The following LTBP4 variants were observed in gnomAD, a reference collection of about 807,000 sequenced individuals.
LTBP4 encodes latent transforming growth factor beta binding protein 4.
A neutral mutation model predicts 180.2 loss-of-function variants in LTBP4; 93 were observed. That is an observed-to-expected ratio of 0.52 (90% confidence interval 0.44 to 0.61). LTBP4 has a LOEUF of 0.61. Among genes scored for constraint, LTBP4 ranks in the 20% least tolerant of loss-of-function variants. The probability of loss-of-function intolerance (pLI) is 0.00; values close to 1 mark genes in which losing one functional copy is unlikely to be tolerated. For missense variants in LTBP4, 2,116 were observed against 2,256.5 expected, an observed-to-expected ratio of 0.94 and a Z score of 1.26; for synonymous variants, 947 against 934.5, an observed-to-expected ratio of 1.01 and a Z score of -0.24.
chr19:40,607,402 C>A lies in LTBP4; in HGVS notation c.1029C>A (p.Phe343Leu). ...HVISEAKGPC[F>L]RVLRDGGCSL... The stretch of plus-strand genomic sequence containing the variant: ...TCTCAGAGGCCAAAGGGCCCTGCTT[C>A]CGCGTGCTCCGCGACGGCGGCTGTT... The change falls in exon 7 of 30, where the codon TTC (phenylalanine) becomes TTA (leucine). Residue 343 changes from phenylalanine (F) to leucine (L), a missense_variant. Around this residue, in one of 5 missense-constraint regions of LTBP4, gnomAD observed 469 missense variants for 532.5 expected, o/e 0.88. Coordinates refer to ENST00000396819, the MANE Select transcript of LTBP4 (RefSeq NM_001042545.2). 1 of 1,613,034 alleles carries A rather than the reference C, an allele frequency of 6.2e-7. No individual in the cohort carries two copies. The highest frequency in any genetic ancestry group is 8.5e-7 in the Non-Finnish European group (1 of 1,179,596).
At position 40,622,375 on chromosome 19, in the gene LTBP4, T is replaced by A; in HGVS notation, c.3218-26T>A. Reference sequence around the variant, plus strand: ...GCGGGGCTGGGGATTCAGCCCACACTGGGCTAAAGCTCCTTGTCTCCCCAG... The same window carrying A: ...GCGGGGCTGGGGATTCAGCCCACACAGGGCTAAAGCTCCTTGTCTCCCCAG... On this transcript the variant is annotated intron_variant, in intron 22 of 29. Coordinates refer to ENST00000396819, the MANE Select transcript of LTBP4 (RefSeq NM_001042545.2). The surrounding 1 kb of genome is among the most constrained non-coding windows in gnomAD (Gnocchi z 5.1). The A allele has an allele frequency of 6.8e-7, 1 of 1,474,336 alleles. No individual in the cohort carries two copies. Among genetic ancestry groups the A allele is most frequent in the South Asian group, 1.4e-5 (1 of 72,596 alleles). The allele number at this position is 1,474,336 out of a possible 1,614,324, so 91.3% of individuals were successfully genotyped here. A position where few individuals can be genotyped will look rare whatever the true frequency, so the allele number is the denominator to read the frequency against.
At position 40,613,693 on chromosome 19, in the gene LTBP4, G is replaced by C. The variant is rs997475802; in HGVS notation, c.2557+164G>C. 7.9e-6 allele frequency: 10 copies of C among 1,273,846 alleles called. No individual in the cohort carries two copies. In the Middle Eastern group the frequency reaches 7.4e-4, roughly 94 times the overall value. The allele number at this position is 1,273,846 out of a possible 1,614,324, so 78.9% of individuals were successfully genotyped here. A position where few individuals can be genotyped will look rare whatever the true frequency, so the allele number is the denominator to read the frequency against. On this transcript the variant is annotated intron_variant, in intron 17 of 29. Transcript: ENST00000396819. This position sits in a 1 kb window ranked among gnomAD's most constrained non-coding sequence, Gnocchi z 5.0. ...AGTCTCGAGGCAGTGAGGGGGGGCG[G>C]GGCGTGGAGATGAAAGGGCCGAGTC...
upstream of LTBP4, chr19:40,599,480 A>C: frequency 6.2e-7 from 1 of 1,613,798 alleles, no homozygotes; most frequent in Non-Finnish European, 8.5e-7. Flanking sequence ...GCGGTGCCTG[A>C]ACCCAGTGCC....
At chr19:40,607,757 G>A (rs769394886) in intron 7 of LTBP4, among the ~76,000 whole-genome samples, 1 of 152,186 alleles carries the variant, frequency 6.6e-6, no homozygotes, top group Admixed American at 6.5e-5. Context: ...CTACCCCGGA[G>A]CTCCCAAGTT....
At chr19:40,595,837 C>A (rs2081386803) in intron 1 of LTBP4, among the ~76,000 whole-genome samples, 1 of 151,524 alleles carries the variant, frequency 6.6e-6, no homozygotes, top group African/African-American at 2.4e-5. Flanking sequence ...CTCAAGTGAT[C>A]CTCCTACCTC....
chr19:40,627,982 CG>C, intron 29 of LTBP4, 125 bp downstream of exon 29: 1 of 1,295,496 alleles, frequency 7.7e-7, no homozygotes, highest in Non-Finnish European at 1.0e-6. Context: ...GACGGGCCAG[CG>C]CAAAAGGGAG....
At chr19:40,625,280 A>ATT (rs2081619763) in intron 26 of LTBP4, among the ~76,000 whole-genome samples, 1 of 5,242 alleles carries the variant, frequency 1.9e-4, no homozygotes, top group African/African-American at 2.3e-3. Context: ...ATATATATAT[A>ATT]TATATATATA....
In LTBP4 at chr19:40,627,849, C is replaced by A; in HGVS notation, c.4511C>A (p.Ala1504Asp). The A allele has an allele frequency of 6.4e-7, 1 of 1,565,352 alleles. No homozygotes were observed. Among genetic ancestry groups the A allele is most frequent in the East Asian group, 2.3e-5 (1 of 42,788 alleles). ...TACCGCCTGGACATGACCCGCATGG[C>A]CTGCGTTGGTGAGGGCGGGCCCGGG... ...DGYRLDMTRM[A>D]CVDINECDEA... is the part of the protein sequence containing the mutation. The change falls in exon 29 of 30, where the codon GCC (alanine) becomes GAC (aspartate). Residue 1504 changes from alanine (A) to aspartate (D), a missense_variant. This residue lies in a region of LTBP4 where 488 missense variants were observed against 458.8 expected (regional missense o/e 1.06). Coordinates refer to ENST00000396819, the MANE Select transcript of LTBP4 (RefSeq NM_001042545.2).
chr19:40,599,323 C>T, upstream of LTBP4: 2 of 1,608,922 alleles, frequency 1.2e-6, no homozygotes, highest in South Asian at 2.2e-5. Context: ...CAGGGAGCTC[C>T]CCATCCCTCC....
chr19:40,608,195 C>T (rs1232481103), intron 7 of LTBP4, 25 bp from the exon 8 acceptor site: 10 of 1,613,580 alleles, frequency 6.2e-6, no homozygotes, highest in East Asian at 2.2e-5. Flanking sequence ...CTTGTCCTCT[C>T]TCTGTCTCTC....
rs1029565585 is a variant in LTBP4 at position 40,629,818 on chromosome 19, A to G, written c.*268A>G. On this transcript the variant is annotated 3_prime_UTR_variant, in exon 30 of 30. Transcript: ENST00000396819. The surrounding 1 kb of genome is among the most constrained non-coding windows in gnomAD (Gnocchi z 4.5). ...TTCCATTAAAAACCACCTATTTTCT[A>G]TCTTTTGCCTCCTCCTGTCTATTTC... 2.3e-5 allele frequency: 7 copies of G among 302,672 alleles called. No individual in the cohort carries two copies. Among genetic ancestry groups the G allele is most frequent in the African/African-American group, 8.8e-5 (4 of 45,250 alleles). 18.7% of individuals were successfully genotyped at this position (302,672 alleles called of 1,614,324 possible). A position where few individuals can be genotyped will look rare whatever the true frequency, so the allele number is the denominator to read the frequency against.
chr19:40,602,145 T>TTGTGTGTGTGTGTGTG (rs751242257), intron 1 of LTBP4, among the ~76,000 whole-genome samples: 5 of 81,816 alleles, frequency 6.1e-5, no homozygotes, highest in African/African-American at 3.0e-4. Context: ...GAGACGGGGG[T>TTGTGTGTGTGTGTGTG]TGTGTGTGTG....
intron 26 of LTBP4, 137 bp downstream of exon 26, chr19:40,624,219 C>T (rs1353193941): frequency 1.8e-6 from 2 of 1,107,578 alleles, no homozygotes; most frequent in South Asian, 1.7e-5. Context: ...CCCACTGAGC[C>T]CTCACTCAGT....
chr19:40,616,823 G>C, intron 19 of LTBP4, 66 bp from the exon 20 acceptor site: 1 of 1,579,960 alleles, frequency 6.3e-7, no homozygotes, highest in Non-Finnish European at 8.6e-7. Context: ...TTGGGCACCG[G>C]AAGTGGTGTT....
At chr19:40,625,777 T>G in intron 26 of LTBP4, 80 bp from the exon 27 acceptor site, 1 of 1,301,468 alleles carries the variant, frequency 7.7e-7, no homozygotes, top group Non-Finnish European at 1.0e-6. Flanking sequence ...GTGCCTGGGC[T>G]GCTCAGCAGG....
In LTBP4 at chr19:40,613,189, CT is replaced by C; in HGVS notation, c.2425del (p.Cys809AlafsTer4). On this transcript the variant is annotated frameshift_variant, in exon 16 of 30. Coordinates refer to ENST00000396819, the MANE Select transcript of LTBP4 (RefSeq NM_001042545.2). LOFTEE classifies it high-confidence loss of function. This position sits in a 1 kb window ranked among gnomAD's most constrained non-coding sequence, Gnocchi z 5.0. ...YRAPSGRPGP[C>X]ADVNECLEGD... is the part of the protein sequence containing the mutation. ...GGGCGCCGTCGGGTCGGCCCGGGCC[CT>C]GCGCAGGTGAGCAGCATAGGGACCC... The C allele has an allele frequency of 6.4e-7, 1 of 1,567,946 alleles. No homozygotes were observed. Among genetic ancestry groups the C allele is most frequent in the Non-Finnish European group, 8.6e-7 (1 of 1,156,696 alleles).
Position 40,601,569 on chromosome 19 carries a change from G to T in LTBP4, c.182G>T (p.Arg61Leu). ...GSRCTPTCAP[R>L]NATSVDSGAP... ...CGCTGTACCCCGACCTGCGCGCCCCGCAACGCCACCAGCGTGGACAGCGGC... is the reference window on the plus strand; with the variant it reads ...CGCTGTACCCCGACCTGCGCGCCCCTCAACGCCACCAGCGTGGACAGCGGC... The change falls in exon 1 of 30, where the codon CGC becomes CTC. Residue 61 changes from arginine to leucine, a missense_variant. Physicochemically the swap from Arg to Leu is moderately radical, Grantham distance 102 (BLOSUM62 -2). Around this residue, in one of 5 missense-constraint regions of LTBP4, gnomAD observed 469 missense variants for 532.5 expected, o/e 0.88. Transcript: ENST00000396819. The T allele has an allele frequency of 6.8e-7, 1 of 1,471,212 alleles. No homozygotes were observed. The highest frequency in any genetic ancestry group is 9.0e-7 in the Non-Finnish European group (1 of 1,116,744). 91.1% of individuals were successfully genotyped at this position (1,471,212 alleles called of 1,614,324 possible).
At position 40,605,500 on chromosome 19, in the gene LTBP4, G is replaced by A. The variant is rs781109644; in HGVS notation, c.538G>A (p.Ala180Thr). Residue 180 changes from alanine (A) to threonine (T), a missense_variant, in exon 3 of 30, where the codon GCG becomes ACG. Physicochemically the swap from Ala to Thr is moderately conservative, Grantham distance 58. This residue lies in a region of LTBP4 where 469 missense variants were observed against 532.5 expected (regional missense o/e 0.88). Transcript: ENST00000396819. The surrounding 1 kb of genome is among the most constrained non-coding windows in gnomAD (Gnocchi z 5.5). ...VERVSGPWEE[A>T]DAEAVARAEA... ...GCGTGTGTCTGGCCCTTGGGAGGAG[G>A]CGGACGCTGAGGCGGTGGCGCGGGC... 6.2e-7 allele frequency: 1 copy of A among 1,610,652 alleles called. No individual in the cohort carries two copies. Among genetic ancestry groups the A allele is most frequent in the Admixed American group, 1.7e-5 (1 of 59,946 alleles).
chr19:40,609,988 T>C lies in LTBP4; in HGVS notation c.1684+117T>C. ...CTCTCGGGTCCCGCCCCAGGACTGC[T>C]CTGCCCTGGCCCTTGGCCCTGCCCT... On this transcript the variant is annotated intron_variant, in intron 11 of 29. Coordinates refer to ENST00000396819, the MANE Select transcript of LTBP4 (RefSeq NM_001042545.2). The surrounding 1 kb of genome is among the most constrained non-coding windows in gnomAD (Gnocchi z 4.9). 7.3e-7 allele frequency: 1 copy of C among 1,360,718 alleles called. No homozygotes were observed. Among genetic ancestry groups the C allele is most frequent in the African/African-American group, 1.5e-5 (1 of 68,320 alleles). 84.3% of individuals were successfully genotyped at this position (1,360,718 alleles called of 1,614,324 possible).
Sources: allele counts gnomAD v4.1 joint callset (sites outside exome capture counted in the v4.1 genomes callset), GRCh38; gene constraint gnomAD v4.1.1; regional missense constraint gnomAD v4.1.1; non-coding constraint Gnocchi (gnomAD v3.1); transcripts MANE v1.5; gene names NCBI Gene and HGNC (gene_info 2026-07-23, HGNC 2026-07-21).